The following SNTG2 variants were observed in gnomAD, a reference collection of about 807,000 sequenced individuals.
The protein encoded by SNTG2 is syntrophin gamma 2.
SNTG2 carries 74 observed loss-of-function variants against 70.9 expected under a neutral mutation model. The ratio of observed to expected loss-of-function variants is 1.04; its 90% confidence interval spans 0.86 to 1.27. SNTG2 has a LOEUF of 1.27. Ranked by LOEUF, SNTG2 falls within the 50% of genes most tolerant of loss-of-function variation. SNTG2 has a pLI of 0.00. For missense variants in SNTG2, 717 were observed against 690.7 expected (o/e 1.04, Z -0.43); for synonymous variants, 278 against 273.8 (o/e 1.02, Z -0.15).
At chr2:1,238,875 C>G (rs1452352700) in intron 10 of SNTG2, among the ~76,000 whole-genome samples, 2 of 152,228 alleles carry the variant, frequency 1.3e-5, no homozygotes, top group Non-Finnish European at 2.9e-5. Flanking sequence ...CCGCCCTGCC[C>G]CTGCCCTGCC....
At chr2:1,179,239 C>A (rs1671697056) in intron 8 of SNTG2, among the ~76,000 whole-genome samples, 1 of 152,050 alleles carries the variant, frequency 6.6e-6, no homozygotes, top group Admixed American at 6.6e-5. Context: ...TTTTGTTGAT[C>A]CTTTCAAAAA....
At chr2:1,011,922 A>G (rs1430865457) in intron 1 of SNTG2, among the ~76,000 whole-genome samples, 1 of 152,240 alleles carries the variant, frequency 6.6e-6, no homozygotes, top group Non-Finnish European at 1.5e-5. Context: ...CCACTTGTAT[A>G]TAGGCATGCA....
rs1483923109 is a variant in SNTG2 at position 1,353,312 on chromosome 2, A to G, written c.1489-14031A>G. Among the ~76,000 whole-genome samples, 1 of 152,186 alleles carries G rather than the reference A, an allele frequency of 6.6e-6. No individual in the cohort carries two copies. Among genetic ancestry groups the G allele is most frequent in the African/African-American group, 2.4e-5 (1 of 41,452 alleles). On this transcript the variant is annotated intron_variant, in intron 16 of 16. Coordinates refer to ENST00000308624, the MANE Select transcript of SNTG2 (RefSeq NM_018968.4). This position sits in a 1 kb window ranked among gnomAD's most constrained non-coding sequence, Gnocchi z 4.2. ...GTTCATATGTGAGGGCTACAGCCTC[A>G]TCGTATAAACATAAGGAAGTGCCTG...
chr2:1,071,482 C>T (rs1273650313), intron 1 of SNTG2, among the ~76,000 whole-genome samples: 2 of 124,058 alleles, frequency 1.6e-5, no homozygotes, highest in Non-Finnish European at 3.2e-5. Context: ...AGGGGAATAT[C>T]ACACTCTGGG....
chr2:955,963 C>T (rs1386116542), intron 1 of SNTG2, among the ~76,000 whole-genome samples: 1 of 149,314 alleles, frequency 6.7e-6, no homozygotes, highest in Non-Finnish European at 1.5e-5. Flanking sequence ...TTCCCTGCCC[C>T]TGCCCCTGCC....
intron 1 of SNTG2, among the ~76,000 whole-genome samples, chr2:1,035,711 G>A (rs912909935): frequency 6.6e-6 from 1 of 152,072 alleles, no homozygotes. Context: ...AAATGGGCAC[G>A]ATCCTCCTTT....
At chr2:1,009,559 A>G (rs1659665698) in intron 1 of SNTG2, among the ~76,000 whole-genome samples, 1 of 144,612 alleles carries the variant, frequency 6.9e-6, no homozygotes, top group African/African-American at 2.6e-5. Flanking sequence ...TGGTTCTGAT[A>G]CTGGTGTGGG....
chr2:1,226,127 C>A (rs1256032558), intron 9 of SNTG2, among the ~76,000 whole-genome samples: 2 of 152,174 alleles, frequency 1.3e-5, no homozygotes, highest in African/African-American at 4.8e-5. Flanking sequence ...ATACCAAATT[C>A]TACTGGTTTA....
At chr2:998,308 A>G (rs541743872) in intron 1 of SNTG2, among the ~76,000 whole-genome samples, 2 of 152,272 alleles carry the variant, frequency 1.3e-5, no homozygotes, top group Admixed American at 1.3e-4. Context: ...CAAAATGAAA[A>G]CATGGAAATA....
chr2:1,317,593 AG>A (rs1681345036), intron 16 of SNTG2, among the ~76,000 whole-genome samples: 1 of 116,790 alleles, frequency 8.6e-6, no homozygotes, highest in African/African-American at 3.2e-5. Flanking sequence ...CCAGCATTGG[AG>A]AAGGTTGGGA....
chr2:1,196,120 C>T (rs970189687), intron 8 of SNTG2, among the ~76,000 whole-genome samples: 5 of 152,060 alleles, frequency 3.3e-5, no homozygotes, highest in African/African-American at 1.2e-4. Flanking sequence ...TCAGAATACT[C>T]AATATCAAAT....
At chr2:1,366,619 C>T (rs374019129) in intron 16 of SNTG2, among the ~76,000 whole-genome samples, 1 of 152,344 alleles carries the variant, frequency 6.6e-6, no homozygotes, top group East Asian at 1.9e-4. Context: ...CTTTCCTGCT[C>T]TCCCGTAGCC....
At chr2:1,132,830 A>G (rs531602474) in intron 4 of SNTG2, among the ~76,000 whole-genome samples, 1 of 152,320 alleles carries the variant, frequency 6.6e-6, no homozygotes, top group South Asian at 2.1e-4. Flanking sequence ...AACACCTCCC[A>G]GGGCCCCATG....
intron 6 of SNTG2, among the ~76,000 whole-genome samples, chr2:1,159,600 A>G (rs1293904729): frequency 6.6e-6 from 1 of 152,208 alleles, no homozygotes; most frequent in Non-Finnish European, 1.5e-5. Context: ...GAAGACTGGT[A>G]ATTTGTAGAT....
chr2:1,159,130 A>G (rs928605933), intron 6 of SNTG2, among the ~76,000 whole-genome samples: 7 of 77,630 alleles, frequency 9.0e-5, no homozygotes, highest in African/African-American at 2.8e-4. Context: ...GTGTGTATGC[A>G]TGGGTGTGCA....
At chr2:958,435 A>C (rs1274233664) in intron 1 of SNTG2, among the ~76,000 whole-genome samples, 1 of 152,230 alleles carries the variant, frequency 6.6e-6, no homozygotes. Context: ...TGTTGAGATC[A>C]TGCAGAGTAC....
chr2:987,312 A>T (rs905077109), intron 1 of SNTG2, among the ~76,000 whole-genome samples: 1 of 152,140 alleles, frequency 6.6e-6, no homozygotes, highest in African/African-American at 2.4e-5. Flanking sequence ...GTGGGCAGAG[A>T]TGGTCCCCAT....
chr2:962,302 T>G (rs1660376196), intron 1 of SNTG2, among the ~76,000 whole-genome samples: 1 of 76,334 alleles, frequency 1.3e-5, no homozygotes, highest in Non-Finnish European at 3.4e-5. Context: ...GAACTCCTGG[T>G]CTTAAGCGAC....
rs186819843 is a variant in SNTG2 at position 1,125,985 on chromosome 2, C to T, written c.326-11637C>T. Reference sequence around the variant, plus strand: ...TCATCATCTCCAACATTTATTATTTCTTTGTGTTGGGAATATTCAATATGC... The same window carrying T: ...TCATCATCTCCAACATTTATTATTTTTTTGTGTTGGGAATATTCAATATGC... On this transcript the variant is annotated intron_variant, in intron 4 of 16. Coordinates refer to ENST00000308624, the MANE Select transcript of SNTG2 (RefSeq NM_018968.4). Among the ~76,000 whole-genome samples, 642 of 152,188 alleles carry T rather than the reference C, an allele frequency of 4.2e-3. 5 individuals are homozygous for T. The highest frequency in any genetic ancestry group is 0.01 in the Middle Eastern group (3 of 294).
Sources: allele counts gnomAD v4.1 joint callset (sites outside exome capture counted in the v4.1 genomes callset), GRCh38; gene constraint gnomAD v4.1.1; non-coding constraint Gnocchi (gnomAD v3.1); transcripts MANE v1.5; gene names NCBI Gene and HGNC (gene_info 2026-07-23, HGNC 2026-07-21).